Variants in MEGF10 observed in about 807,000 individuals in gnomAD.
The protein encoded by MEGF10 is multiple EGF like domains 10, also known as multiple epidermal growth factor-like domains protein 10.
MEGF10 carries 86 observed loss-of-function variants against 147.5 expected under a neutral mutation model. The observed-to-expected ratio is 0.58, with a 90% confidence interval of 0.49 to 0.70. The LOEUF (loss-of-function observed/expected upper bound fraction) is 0.70, where lower values mean the gene tolerates loss of function less well. Ranked by LOEUF, MEGF10 falls within the 30% of genes least tolerant of loss-of-function variation. The pLI is 0.00. For synonymous variants in MEGF10, 478 were observed against 525.5 expected (o/e 0.91, Z 1.24); for missense variants, 1,329 against 1,487.3 (o/e 0.89, Z 1.75).
At chr5:127,235,853 A>T in the MEGF10 span, among the ~76,000 whole-genome samples, 1 of 152,366 alleles carries the variant, frequency 6.6e-6, no homozygotes, top group South Asian at 2.1e-4. Context: ...AGATGCTTGC[A>T]CTTAATTTTA....
At chr5:127,327,997 G>A (rs2126777247) in intron 1 of MEGF10, among the ~76,000 whole-genome samples, 1 of 152,260 alleles carries the variant, frequency 6.6e-6, no homozygotes, top group Middle Eastern at 3.4e-3. Context: ...GATTACAGGA[G>A]TGAGCCACCA....
At chr5:127,301,970 A>G (rs1759792667) in intron 1 of MEGF10, among the ~76,000 whole-genome samples, 1 of 152,216 alleles carries the variant, frequency 6.6e-6, no homozygotes, top group Admixed American at 6.5e-5. Context: ...AATTTACAAT[A>G]TTTTGGAATA....
chr5:127,286,455 T>C (rs966775505), upstream of MEGF10, among the ~76,000 whole-genome samples: 2 of 151,966 alleles, frequency 1.3e-5, no homozygotes, highest in Admixed American at 6.6e-5. Flanking sequence ...ATAAAACAAA[T>C]ACCTAAAAAA....
the MEGF10 span, among the ~76,000 whole-genome samples, chr5:127,257,709 T>G: frequency 1.4e-3 from 209 of 152,290 alleles, no homozygotes; most frequent in Middle Eastern, 3.4e-3. Context: ...TAGGGGTATC[T>G]TTTTCTGTAC....
At position 127,412,439 on chromosome 5, in the gene MEGF10, G is replaced by T. The variant is rs190681942; in HGVS notation, c.1130+1838G>T. ...TCAAACCAAAAGGCATAGAATCCTT[G>T]TATTAATTGAAAGTCTAGTTTGTTC... On this transcript the variant is annotated intron_variant, in intron 9 of 24. Transcript: ENST00000503335. Among the ~76,000 whole-genome samples the T allele has an allele frequency of 2.3e-3, 351 of 152,258 alleles. 3 individuals are homozygous for T. The highest frequency in any genetic ancestry group is 0.01 in the Middle Eastern group (3 of 294).
intron 13 of MEGF10, among the ~76,000 whole-genome samples, chr5:127,423,784 A>G (rs1580853341): frequency 6.6e-6 from 1 of 152,080 alleles, no homozygotes; most frequent in African/African-American, 2.4e-5. Flanking sequence ...ATATGTCCTT[A>G]TCAGATATAT....
the MEGF10 span, among the ~76,000 whole-genome samples, chr5:127,270,816 C>T: frequency 2.7e-4 from 41 of 152,230 alleles, no homozygotes; most frequent in East Asian, 2.5e-3. Flanking sequence ...TGAGAACATG[C>T]GGTATTTGGT....
intron 9 of MEGF10, among the ~76,000 whole-genome samples, chr5:127,412,678 T>C (rs1764618657): frequency 1.3e-5 from 2 of 150,544 alleles, no homozygotes; most frequent in South Asian, 4.4e-4. Flanking sequence ...TTTGCAGCAT[T>C]AAAAAACAAA....
intron 18 of MEGF10, among the ~76,000 whole-genome samples, chr5:127,442,086 T>C (rs1192528140): frequency 2.0e-5 from 3 of 152,194 alleles, no homozygotes; most frequent in African/African-American, 7.2e-5. Flanking sequence ...TAAATATGCA[T>C]GGAAACCAGA....
chr5:127,324,056 A>G (rs1000889211), intron 1 of MEGF10, among the ~76,000 whole-genome samples: 1 of 152,224 alleles, frequency 6.6e-6, no homozygotes, highest in Non-Finnish European at 1.5e-5. Context: ...CCACTTATTC[A>G]TTGTGAGAAG....
At chr5:127,444,014 C>G (rs1232517895) in intron 19 of MEGF10, among the ~76,000 whole-genome samples, 2 of 152,008 alleles carry the variant, frequency 1.3e-5, no homozygotes, top group African/African-American at 4.8e-5. Context: ...AAACTTGTGC[C>G]CCTGGTTTTC....
chr5:127,340,463 C>A, intron 3 of MEGF10, 67 bp from the exon 4 acceptor site: 1 of 1,173,962 alleles, frequency 8.5e-7, no homozygotes, highest in Non-Finnish European at 1.3e-6. Context: ...TTCTTCATAA[C>A]TAGTTTGAAA....
chr5:127,419,062 T>C (rs1764882833), intron 10 of MEGF10, 58 bp from the exon 11 acceptor site: 1 of 1,558,744 alleles, frequency 6.4e-7, no homozygotes, highest in African/African-American at 1.4e-5. Context: ...TGTTTATTTG[T>C]GTTGGCCTTA....
the MEGF10 span, among the ~76,000 whole-genome samples, chr5:127,248,655 T>C: frequency 6.6e-6 from 1 of 151,720 alleles, no homozygotes; most frequent in Non-Finnish European, 1.5e-5. Context: ...TGATGGAAGA[T>C]AACAAAATGG....
chr5:127,422,778 A>G lies in MEGF10; in HGVS notation c.1693+6A>G. ...CTGCCTCCCCGGATGGTCAGGTGAG[A>G]GCCAAGGACCGCTAATTGAAAGGTG... On this transcript the variant is annotated splice_donor_region_variant and intron_variant, in intron 13 of 24. Transcript: ENST00000503335. 1 of 1,611,856 alleles carries G rather than the reference A, an allele frequency of 6.2e-7. No individual in the cohort carries two copies. The highest frequency in any genetic ancestry group is 8.5e-7 in the Non-Finnish European group (1 of 1,178,240).
chr5:127,340,734 G>A (rs1761648970), intron 4 of MEGF10, 104 bp downstream of exon 4: 2 of 854,156 alleles, frequency 2.3e-6, no homozygotes, highest in Non-Finnish European at 3.8e-6. Context: ...TGGGTGTCTT[G>A]GAACATTCCT....
chr5:127,371,897 T>C (rs1280614816), intron 5 of MEGF10, among the ~76,000 whole-genome samples: 1 of 152,338 alleles, frequency 6.6e-6, no homozygotes. Flanking sequence ...AACAGATGTC[T>C]GAAATGTTTA....
chr5:127,404,727 T>A (rs1764261862), intron 8 of MEGF10, among the ~76,000 whole-genome samples: 1 of 152,104 alleles, frequency 6.6e-6, no homozygotes, highest in Non-Finnish European at 1.5e-5. Context: ...AACACTTTTT[T>A]TTTTTTGAGA....
chr5:127,280,162 T>A, the MEGF10 span, among the ~76,000 whole-genome samples: 8 of 152,222 alleles, frequency 5.3e-5, no homozygotes, highest in Non-Finnish European at 1.0e-4. Context: ...AAAATTTTTT[T>A]ATAAATCTTC....
Sources: gnomAD v4.1 joint callset for allele counts (sites outside exome capture counted in the v4.1 genomes callset) on GRCh38, gnomAD v4.1.1 for gene constraint, MANE v1.5 for transcripts, NCBI Gene and HGNC (gene_info 2026-07-23, HGNC 2026-07-21) for gene names.